The following MSRA variants were observed in gnomAD, a reference collection of about 807,000 sequenced individuals.
MSRA encodes the protein mitochondrial peptide methionine sulfoxide reductase.
MSRA carries 54 observed loss-of-function variants against 31.3 expected under a neutral mutation model. That is an observed-to-expected ratio of 1.73 (90% CI 1.39 to 2.17). The LOEUF (loss-of-function observed/expected upper bound fraction) is 2.17. Ranked by LOEUF, MSRA falls within the 30% of genes most tolerant of loss-of-function variation. The pLI is 0.00. For synonymous variants in MSRA, 169 were observed against 116.5 expected (o/e 1.45, Z -2.90); for missense variants, 507 against 300.9 (o/e 1.69, Z -5.07).
At chr8:10,417,772 G>GTGTGTGTGTGTGTGTGTGTC (rs1808567435) in intron 5 of MSRA, among the ~76,000 whole-genome samples, 6 of 151,026 alleles carry the variant, frequency 4.0e-5, no homozygotes, top group African/African-American at 1.5e-4. Flanking sequence ...GTGTGTGTGT[G>GTGTGTGTGTGTGTGTGTGTC]TGTGTGTCTG....
chr8:10,290,682 AC>A (rs1235136981), intron 3 of MSRA, among the ~76,000 whole-genome samples: 1 of 151,866 alleles, frequency 6.6e-6, no homozygotes, highest in Admixed American at 6.6e-5. Context: ...ATTGTGAACC[AC>A]TCTCCTTGTG....
chr8:10,406,416 C>T (rs530725896), intron 5 of MSRA, among the ~76,000 whole-genome samples: 5 of 152,200 alleles, frequency 3.3e-5, no homozygotes, highest in Non-Finnish European at 7.3e-5. Context: ...AATCCAAGTA[C>T]AGAAAGGCTA....
chr8:10,382,513 C>G (rs1806132425), intron 5 of MSRA, among the ~76,000 whole-genome samples: 1 of 152,132 alleles, frequency 6.6e-6, no homozygotes, highest in African/African-American at 2.4e-5. Context: ...TGCAGAATGT[C>G]CAGAGGCTGT....
Position 10,428,540 on chromosome 8 carries a change from G to C in MSRA, c.*228G>C, listed in dbSNP as rs3750315. 1.0e-5 allele frequency: 5 copies of C among 486,070 alleles called. No individual in the cohort carries two copies. Among genetic ancestry groups the C allele is most frequent in the African/African-American group, 9.8e-5 (5 of 50,940 alleles). 30.1% of individuals were successfully genotyped at this position (486,070 alleles called of 1,614,324 possible). On this transcript the variant is annotated 3_prime_UTR_variant, in exon 6 of 6. Transcript: ENST00000317173. ...TGGGAGTGGAGCTGTGCAGTTTCCT[G>C]TGTCTTCTGGGGTCTGAGTGAAGAT...
chr8:10,330,016 G>C (rs1802600995), intron 5 of MSRA, among the ~76,000 whole-genome samples: 2 of 150,692 alleles, frequency 1.3e-5, no homozygotes, highest in African/African-American at 2.4e-5. Flanking sequence ...ATGTGTGTGT[G>C]TGTGTGTGTG....
chr8:10,180,731 C>T (rs528966305), intron 1 of MSRA, among the ~76,000 whole-genome samples: 6 of 152,196 alleles, frequency 3.9e-5, no homozygotes, highest in East Asian at 3.9e-4. Context: ...GTATATATTT[C>T]GTGTATTTTT....
intron 1 of MSRA, among the ~76,000 whole-genome samples, chr8:10,097,667 G>A (rs1250573069): frequency 2.0e-5 from 3 of 151,998 alleles, no homozygotes; most frequent in Non-Finnish European, 4.4e-5. Context: ...TTTTCTTGAA[G>A]TTAAAATAAT....
intron 1 of MSRA, among the ~76,000 whole-genome samples, chr8:10,056,297 C>T (rs1024321810): frequency 6.6e-6 from 1 of 150,662 alleles, no homozygotes; most frequent in South Asian, 2.1e-4. Context: ...TTTACTTTGG[C>T]TTTATCTTAA....
At chr8:10,377,228 C>T (rs765389468) in intron 5 of MSRA, among the ~76,000 whole-genome samples, 2 of 152,258 alleles carry the variant, frequency 1.3e-5, no homozygotes, top group African/African-American at 4.8e-5. Context: ...AGTTCACCTG[C>T]GTGGCTTAAC....
chr8:10,227,305 G>T (rs1811081914), intron 2 of MSRA, among the ~76,000 whole-genome samples: 1 of 152,184 alleles, frequency 6.6e-6, no homozygotes, highest in Non-Finnish European at 1.5e-5. Context: ...GAGAGAATTA[G>T]AGTGAAGGAA....
intron 5 of MSRA, among the ~76,000 whole-genome samples, chr8:10,333,774 C>T (rs1802848145): frequency 6.6e-6 from 1 of 151,626 alleles, no homozygotes. Context: ...TTTCCTCTGA[C>T]CCTTATGAGA....
intron 1 of MSRA, among the ~76,000 whole-genome samples, chr8:10,166,661 C>A (rs574931824): frequency 1.3e-5 from 2 of 152,140 alleles, no homozygotes; most frequent in Non-Finnish European, 2.9e-5. Context: ...CTGCATTTTT[C>A]CCTCCAGCCT....
At chr8:10,309,239 G>A (rs4841314) in intron 4 of MSRA, among the ~76,000 whole-genome samples, 150,390 of 152,392 alleles carry the variant, frequency 0.99, 74,240 homozygotes, top group Middle Eastern at 1. Context: ...ATGTTTTCTC[G>A]TTGAACTAGT....
Position 10,064,356 on chromosome 8 carries a change from C to CA in MSRA, c.142+9699dup, listed in dbSNP as rs561247028. ...ATGAAAGGGGACATAGGCTTTTGCCCATTTTTTTTTTTTTTAAAGGCATGG... is the reference window on the plus strand; with the variant it reads ...ATGAAAGGGGACATAGGCTTTTGCCCAATTTTTTTTTTTTTTAAAGGCATGG... On this transcript the variant is annotated intron_variant, in intron 1 of 5. Transcript: ENST00000317173. 3.9e-3 allele frequency among the ~76,000 whole-genome samples: 585 copies of CA among 149,558 alleles called. 1 individual carries two copies. Among genetic ancestry groups the CA allele is most frequent in the South Asian group, 0.017 (82 of 4,732 alleles).
Position 10,233,961 on chromosome 8 carries a change from C to A in MSRA, c.212-11143C>A, listed in dbSNP as rs186894439. Among the ~76,000 whole-genome samples, 3 of 152,154 alleles carry A rather than the reference C, an allele frequency of 2.0e-5. No homozygotes were observed. In the East Asian group the frequency reaches 5.8e-4, roughly 29 times the overall value. On this transcript the variant is annotated intron_variant, in intron 2 of 5. Transcript: ENST00000317173. Reference sequence around the variant, plus strand: ...AAAGACATTGCCTACAAAGAAATGACCATCAGACTGACAGCAGGCTTATGA... The same window carrying A: ...AAAGACATTGCCTACAAAGAAATGAACATCAGACTGACAGCAGGCTTATGA...
chr8:10,321,508 G>C (rs1479661277), intron 5 of MSRA, among the ~76,000 whole-genome samples: 1 of 152,078 alleles, frequency 6.6e-6, no homozygotes, highest in Non-Finnish European at 1.5e-5. Flanking sequence ...TGTCTGCTTG[G>C]CTGGTCATGG....
intron 1 of MSRA, among the ~76,000 whole-genome samples, chr8:10,078,175 T>C (rs139283136): frequency 6.6e-6 from 1 of 152,360 alleles, no homozygotes; most frequent in Non-Finnish European, 1.5e-5. Context: ...GTGAGCACTA[T>C]AAAGATGTCT....
intron 3 of MSRA, among the ~76,000 whole-genome samples, chr8:10,292,783 C>T (rs1325295479): frequency 6.6e-6 from 1 of 152,166 alleles, no homozygotes; most frequent in Non-Finnish European, 1.5e-5. Flanking sequence ...ACAGCAGGAC[C>T]TGGGGTGACC....
At chr8:10,353,728 C>A (rs1804340196) in intron 5 of MSRA, 1 of 447,294 alleles carries the variant, frequency 2.2e-6, no homozygotes, top group South Asian at 1.6e-5. Context: ...TGCCACCTGT[C>A]TACGTCCTGA....
Sources: allele counts gnomAD v4.1 joint callset (sites outside exome capture counted in the v4.1 genomes callset), GRCh38; gene constraint gnomAD v4.1.1; transcripts MANE v1.5; gene names NCBI Gene and HGNC (gene_info 2026-07-23, HGNC 2026-07-21).